SUSD4: variants seen among roughly 807,000 people sequenced by gnomAD.
SUSD4 encodes sushi domain-containing protein 4.
Under a neutral mutation model 50.5 loss-of-function variants are expected in SUSD4, and 41 were observed. The ratio of observed to expected loss-of-function variants is 0.81; its 90% CI spans 0.63 to 1.05. The LOEUF is 1.05. Ranked by LOEUF, SUSD4 falls within the 50% of genes least tolerant of loss-of-function variation. SUSD4 has a pLI of 0.00. For synonymous variants in SUSD4, 257 were observed against 257.3 expected (o/e 1.00, Z 0.01); for missense variants, 580 against 634.7 (o/e 0.91, Z 0.93).
chr1:223,360,338 G>A, intron 2 of SUSD4: 1 of 440,466 alleles, frequency 2.3e-6, no homozygotes, highest in Non-Finnish European at 4.7e-6. Flanking sequence ...AGAAACAGCT[G>A]AAGCCATGCT....
At position 223,349,095 on chromosome 1, in the gene SUSD4, A is replaced by C. The variant is rs370907252; in HGVS notation, c.148+14183T>G. Among the ~76,000 whole-genome samples the C allele has an allele frequency of 4.6e-4, 70 of 152,356 alleles. 1 individual carries two copies. The South Asian group carries it at 0.014, about 31-fold the overall frequency. ...TCCAACAAAAAGGCCATCAAGTCTC[A>C]TAACATGGGCCTGTTAGAATGGCAC... On this transcript the variant is annotated intron_variant, in intron 2 of 8. Transcript: ENST00000366878.
intron 2 of SUSD4, among the ~76,000 whole-genome samples, chr1:223,318,839 T>G (rs1666394897): frequency 8.6e-6 from 1 of 116,436 alleles, no homozygotes; most frequent in Admixed American, 9.5e-5. Context: ...AGAGCCCGCA[T>G]CGCCAAGTCA....
intron 3 of SUSD4, among the ~76,000 whole-genome samples, chr1:223,287,224 G>A (rs905160283): frequency 7.9e-5 from 12 of 152,126 alleles, no homozygotes; most frequent in African/African-American, 1.7e-4. Flanking sequence ...TCATAGGCGC[G>A]AGCCACCACA....
intron 2 of SUSD4, among the ~76,000 whole-genome samples, chr1:223,323,113 CT>C (rs1558250097): frequency 6.6e-6 from 1 of 151,942 alleles, no homozygotes; most frequent in Non-Finnish European, 1.5e-5. Context: ...GAGCATGTTC[CT>C]GCTCCTCCTC....
At chr1:223,245,960 G>A (rs926234373) in intron 5 of SUSD4, among the ~76,000 whole-genome samples, 2 of 152,168 alleles carry the variant, frequency 1.3e-5, no homozygotes, top group Non-Finnish European at 2.9e-5. Flanking sequence ...GCTTGGTTTT[G>A]CACTGGTCGG....
intron 2 of SUSD4, among the ~76,000 whole-genome samples, chr1:223,355,795 C>G (rs1252164394): frequency 6.6e-6 from 1 of 152,184 alleles, no homozygotes; most frequent in Non-Finnish European, 1.5e-5. Flanking sequence ...TACTCATCCT[C>G]TCTTGAAAAC....
chr1:223,250,467 G>A (rs181085786), intron 5 of SUSD4, among the ~76,000 whole-genome samples: 64 of 152,276 alleles, frequency 4.2e-4, no homozygotes, highest in Admixed American at 1.7e-3. Context: ...GGGAATTGAG[G>A]CTGAGAAAGA....
At chr1:223,277,959 G>A (rs933135047) in intron 3 of SUSD4, among the ~76,000 whole-genome samples, 32 of 152,116 alleles carry the variant, frequency 2.1e-4, no homozygotes, top group African/African-American at 7.5e-4. Flanking sequence ...TCAGCTGGGA[G>A]ATTTTTTTTT....
At chr1:223,311,892 G>A (rs1475601605) in intron 2 of SUSD4, among the ~76,000 whole-genome samples, 3 of 152,202 alleles carry the variant, frequency 2.0e-5, no homozygotes, top group Admixed American at 6.5e-5. Flanking sequence ...GCTGAGAGCA[G>A]TGTAGAACTT....
At chr1:223,293,673 C>G (rs1022517470) in intron 2 of SUSD4, among the ~76,000 whole-genome samples, 3 of 152,176 alleles carry the variant, frequency 2.0e-5, no homozygotes, top group Admixed American at 6.5e-5. Flanking sequence ...CTAGGCTCCC[C>G]TTGTCAACTG....
At chr1:223,356,520 C>G (rs948731409) in intron 2 of SUSD4, among the ~76,000 whole-genome samples, 1 of 152,016 alleles carries the variant, frequency 6.6e-6, no homozygotes, top group African/African-American at 2.4e-5. Flanking sequence ...AAGTGATTCT[C>G]CCACTTCACC....
At chr1:223,324,580 T>C (rs1259538672) in intron 2 of SUSD4, among the ~76,000 whole-genome samples, 2 of 151,846 alleles carry the variant, frequency 1.3e-5, no homozygotes, top group African/African-American at 2.4e-5. Flanking sequence ...AAGACACAAA[T>C]GCACTTTGCT....
At chr1:223,342,938 T>G (rs143133071) in intron 2 of SUSD4, among the ~76,000 whole-genome samples, 95 of 152,308 alleles carry the variant, frequency 6.2e-4, no homozygotes, top group African/African-American at 2.0e-3. Flanking sequence ...GAATGAACAT[T>G]GTTGATATGT....
intron 2 of SUSD4, among the ~76,000 whole-genome samples, chr1:223,342,962 T>C (rs1211457178): frequency 6.6e-6 from 1 of 152,206 alleles, no homozygotes; most frequent in Non-Finnish European, 1.5e-5. Flanking sequence ...AGGTCAAATA[T>C]TTGAAAAGAG....
chr1:223,227,890 C>A lies in SUSD4; in HGVS notation c.917-152G>T. 1 of 977,090 alleles carries A rather than the reference C, an allele frequency of 1.0e-6. No individual in the cohort carries two copies. Among genetic ancestry groups the A allele is most frequent in the African/African-American group, 1.6e-5 (1 of 60,850 alleles). 60.5% of individuals were successfully genotyped at this position (977,090 alleles called of 1,614,324 possible). A position where few individuals can be genotyped will look rare whatever the true frequency, so the allele number is the denominator to read the frequency against. On this transcript the variant is annotated intron_variant, in intron 6 of 8. Coordinates refer to ENST00000366878, the MANE Select transcript of SUSD4 (RefSeq NM_017982.4). This position sits in a 1 kb window ranked among gnomAD's most constrained non-coding sequence, Gnocchi z 4.5. The stretch of plus-strand genomic sequence containing the variant: ...GGGCTCGGCAGAGATACCATGTGCC[C>A]CTGTAGCTCATGTAAATTGCATCAG...
rs951054104 is a variant in SUSD4, at chr1:223,229,561, G to A, written c.725-173C>T. The A allele has an allele frequency of 2.4e-5, 14 of 586,706 alleles. No homozygotes were observed. Among genetic ancestry groups the A allele is most frequent in the African/African-American group, 5.5e-5 (3 of 54,270 alleles). The allele number at this position is 586,706 out of a possible 1,614,324, so 36.3% of individuals were successfully genotyped here. A position where few individuals can be genotyped will look rare whatever the true frequency, so the allele number is the denominator to read the frequency against. ...TCTTTTTTAGTATTTCATGGAAGGC[G>A]GAATGGAAGCCTGCTGTAATATTCT... On this transcript the variant is annotated intron_variant, in intron 5 of 8. Coordinates refer to ENST00000366878, the MANE Select transcript of SUSD4 (RefSeq NM_017982.4). The surrounding 1 kb of genome is among the most constrained non-coding windows in gnomAD (Gnocchi z 4.7).
intron 2 of SUSD4, among the ~76,000 whole-genome samples, chr1:223,350,499 G>A (rs1321239651): frequency 2.6e-5 from 4 of 152,220 alleles, no homozygotes; most frequent in African/African-American, 7.2e-5. Flanking sequence ...CGCAAGTCAA[G>A]GCCAGACATC....
At chr1:223,265,255 T>C (rs761158653) in intron 4 of SUSD4, among the ~76,000 whole-genome samples, 1 of 152,144 alleles carries the variant, frequency 6.6e-6, no homozygotes, top group South Asian at 2.1e-4. Context: ...GTTTCAGTGG[T>C]GGTGAGAGCA....
intron 5 of SUSD4, among the ~76,000 whole-genome samples, chr1:223,254,149 G>A (rs943632392): frequency 1.6e-4 from 25 of 152,212 alleles, no homozygotes; most frequent in African/African-American, 6.0e-4. Flanking sequence ...GAGAACCATG[G>A]ATGGGGGCTT....
Sources: allele counts gnomAD v4.1 joint callset (sites outside exome capture counted in the v4.1 genomes callset), GRCh38; gene constraint gnomAD v4.1.1; non-coding constraint Gnocchi (gnomAD v3.1); transcripts MANE v1.5; gene names NCBI Gene and HGNC (gene_info 2026-07-23, HGNC 2026-07-21).